DOCK7: variants seen among roughly 807,000 people sequenced by gnomAD.
DOCK7 encodes the protein dedicator of cytokinesis 7, also known as dedicator of cytokinesis protein 7.
Under a neutral mutation model 271.0 loss-of-function variants are expected in DOCK7, and 138 were observed. The ratio of observed to expected loss-of-function variants is 0.51; its 90% confidence interval spans 0.44 to 0.59. The LOEUF is 0.59. Among genes scored for constraint, DOCK7 ranks in the 20% least tolerant of loss-of-function variants. The pLI is 0.00. For synonymous variants in DOCK7, 823 were observed against 876.1 expected, an observed-to-expected ratio of 0.94 and a Z score of 1.07; for missense variants, 2,066 against 2,592.4, an observed-to-expected ratio of 0.80 and a Z score of 4.41.
intron 10 of DOCK7, 48 bp downstream of exon 10, chr1:62,633,450 A>C (rs749342014): frequency 3.6e-6 from 5 of 1,392,816 alleles, no homozygotes; most frequent in Non-Finnish European, 5.1e-6. Flanking sequence ...TATTCTCCCA[A>C]GTTACAATAG....
At chr1:62,560,369 T>C (rs1646283668) in intron 19 of DOCK7, among the ~76,000 whole-genome samples, 1 of 152,164 alleles carries the variant, frequency 6.6e-6, no homozygotes, top group South Asian at 2.1e-4. Flanking sequence ...GCATTTATTC[T>C]GTTACCTCCA....
At chr1:62,632,125 T>C (rs563102862) in intron 10 of DOCK7, among the ~76,000 whole-genome samples, 2 of 152,260 alleles carry the variant, frequency 1.3e-5, no homozygotes, top group South Asian at 4.1e-4. Context: ...GCAGATGGGA[T>C]GTTGAAGTAT....
chr1:62,637,360 T>C (rs541433099), intron 7 of DOCK7, among the ~76,000 whole-genome samples: 1 of 152,310 alleles, frequency 6.6e-6, no homozygotes, highest in Admixed American at 6.5e-5. Context: ...AAATAATATA[T>C]AATGTGAGGT....
At chr1:62,684,325 T>C (rs1661495773) in intron 1 of DOCK7, among the ~76,000 whole-genome samples, 1 of 152,138 alleles carries the variant, frequency 6.6e-6, no homozygotes, top group Admixed American at 6.5e-5. Context: ...ATAACAACAG[T>C]AAGTAATATG....
intron 14 of DOCK7, among the ~76,000 whole-genome samples, chr1:62,594,421 G>A (rs1394724712): frequency 4.6e-5 from 7 of 151,898 alleles, no homozygotes; most frequent in Admixed American, 2.6e-4. Context: ...CCAAGACTAC[G>A]TGACCATTAC....
intron 37 of DOCK7, among the ~76,000 whole-genome samples, chr1:62,503,571 T>G (rs1030228013): frequency 4.6e-5 from 7 of 151,956 alleles, no homozygotes; most frequent in African/African-American, 9.7e-5. Flanking sequence ...CCCGAGTAGC[T>G]GCGACCACAG....
Position 62,539,566 on chromosome 1 carries a change from A to G in DOCK7, c.3279T>C (p.Leu1093=). 1.2e-6 allele frequency: 2 copies of G among 1,612,186 alleles called. No individual in the cohort carries two copies. Among genetic ancestry groups the G allele is most frequent in the Non-Finnish European group, 1.7e-6 (2 of 1,179,410 alleles). Residue 1093 remains leucine (L), a synonymous_variant, in exon 27 of 50, where the codon CTT becomes CTC. Transcript: ENST00000635253. The stretch of plus-strand genomic sequence containing the variant: ...TTACCTGTTTATAGCAGGACTTTAT[A>G]AGGCTAAAAACAAATCCTCTGTCCA... ...SVMDRGFVFS[L]IKSCYKQVSS... is the part of the protein sequence containing the mutation.
At chr1:62,547,663 T>TA (rs1257948918) in intron 22 of DOCK7, among the ~76,000 whole-genome samples, 1 of 152,140 alleles carries the variant, frequency 6.6e-6, no homozygotes, top group Admixed American at 6.5e-5. Flanking sequence ...TGGCATTTGA[T>TA]AAAAAGCAAT....
At chr1:62,685,160 C>CA (rs1404075361) in intron 1 of DOCK7, among the ~76,000 whole-genome samples, 1 of 152,106 alleles carries the variant, frequency 6.6e-6, no homozygotes, top group African/African-American at 2.4e-5. Flanking sequence ...TTAGAGGTAA[C>CA]AATTCATTTA....
At chr1:62,666,421 C>A (rs1432683289) in intron 1 of DOCK7, among the ~76,000 whole-genome samples, 3 of 151,922 alleles carry the variant, frequency 2.0e-5, no homozygotes, top group Admixed American at 6.6e-5. Context: ...AATTTCCCCC[C>A]AAAAAAGAAA....
intron 48 of DOCK7, among the ~76,000 whole-genome samples, chr1:62,462,207 T>C (rs1162505457): frequency 6.6e-6 from 1 of 152,152 alleles, no homozygotes; most frequent in African/African-American, 2.4e-5. Flanking sequence ...TGGAAAAATA[T>C]ACCATATTCA....
At chr1:62,552,078 G>T (rs1174694674) in intron 22 of DOCK7, among the ~76,000 whole-genome samples, 2 of 151,932 alleles carry the variant, frequency 1.3e-5, no homozygotes, top group Non-Finnish European at 2.9e-5. Flanking sequence ...TTATTCTACT[G>T]AAGACCTATG....
intron 11 of DOCK7, among the ~76,000 whole-genome samples, chr1:62,630,109 C>T (rs1190408880): frequency 1.3e-5 from 2 of 152,116 alleles, no homozygotes; most frequent in Non-Finnish European, 2.9e-5. Flanking sequence ...TTCGGAGTTC[C>T]GAGCTAAGGA....
At chr1:62,488,288 T>C (rs1008418934) in intron 42 of DOCK7, 3 of 152,550 alleles carry the variant, frequency 2.0e-5, no homozygotes, top group African/African-American at 7.2e-5. Context: ...CAACTGCTAG[T>C]AGTGTACTTC....
At chr1:62,521,347 G>A (rs549750288) in intron 31 of DOCK7, among the ~76,000 whole-genome samples, 1 of 152,108 alleles carries the variant, frequency 6.6e-6, no homozygotes, top group South Asian at 2.1e-4. Flanking sequence ...AAAAAGAAAG[G>A]ATGAAAATTA....
intron 48 of DOCK7, chr1:62,458,056 G>C (rs1024750796): frequency 9.5e-6 from 2 of 209,706 alleles, no homozygotes; most frequent in Non-Finnish European, 2.0e-5. Flanking sequence ...TGAGGCTGAA[G>C]TGGGAGGATG....
intron 43 of DOCK7, chr1:62,478,030 G>C (rs1039876228): frequency 5.7e-6 from 3 of 522,674 alleles, no homozygotes; most frequent in Non-Finnish European, 9.3e-6. Context: ...TATGCAAATA[G>C]GGCTACTAAC....
At chr1:62,509,733 T>C (rs906811565) in intron 34 of DOCK7, among the ~76,000 whole-genome samples, 1 of 152,206 alleles carries the variant, frequency 6.6e-6, no homozygotes, top group African/African-American at 2.4e-5. Flanking sequence ...GTTTCTCTGC[T>C]GGCTCTCACT....
intron 14 of DOCK7, chr1:62,600,911 T>G: frequency 1.9e-6 from 1 of 538,086 alleles, no homozygotes; most frequent in Non-Finnish European, 3.4e-6. Flanking sequence ...ATTAAATATT[T>G]TGAGAACAGG....
Sources: allele counts gnomAD v4.1 joint callset (sites outside exome capture counted in the v4.1 genomes callset), GRCh38; gene constraint gnomAD v4.1.1; transcripts MANE v1.5; gene names NCBI Gene and HGNC (gene_info 2026-07-23, HGNC 2026-07-21).